RNLS: variants seen among roughly 807,000 people sequenced by gnomAD.
RNLS encodes the protein renalase.
In RNLS, 39 loss-of-function variants were observed where a neutral mutation model predicts 39.8. The observed-to-expected ratio is 0.98, with a 90% confidence interval of 0.76 to 1.28. RNLS has a LOEUF of 1.28. Among genes scored for constraint, RNLS ranks in the 50% most tolerant of loss-of-function variants. The pLI is 0.00. For missense variants in RNLS, 410 were observed against 413.3 expected (o/e 0.99, Z 0.07); for synonymous variants, 147 against 150.7 (o/e 0.98, Z 0.18).
intron 4 of RNLS, among the ~76,000 whole-genome samples, chr10:88,502,726 G>A (rs1434909103): frequency 1.3e-5 from 2 of 152,098 alleles, no homozygotes; most frequent in African/African-American, 4.8e-5. Flanking sequence ...TAAAGTTTTG[G>A]AATCCTATCA....
intron 6 of RNLS, among the ~76,000 whole-genome samples, chr10:88,297,161 G>A (rs1247051807): frequency 6.6e-6 from 1 of 152,120 alleles, no homozygotes; most frequent in East Asian, 1.9e-4. Flanking sequence ...AAATCTCTAA[G>A]AGTGGGGTTG....
At chr10:88,319,996 C>G (rs1040252161) in intron 5 of RNLS, among the ~76,000 whole-genome samples, 1 of 151,680 alleles carries the variant, frequency 6.6e-6, no homozygotes, top group African/African-American at 2.4e-5. Flanking sequence ...ATCAGACTAT[C>G]CAAGGTCAAC....
At chr10:88,547,434 C>A (rs543350890) in intron 4 of RNLS, among the ~76,000 whole-genome samples, 22 of 152,320 alleles carry the variant, frequency 1.4e-4, no homozygotes, top group African/African-American at 4.1e-4. Context: ...ATATACATAT[C>A]TTTGCAACAT....
chr10:88,448,364 GA>G (rs1451183844), intron 4 of RNLS, among the ~76,000 whole-genome samples: 12 of 152,288 alleles, frequency 7.9e-5, no homozygotes, highest in African/African-American at 2.6e-4. Flanking sequence ...CTTCTCAAAA[GA>G]AGACATTTAT....
At chr10:88,428,454 T>C (rs923917097) in intron 4 of RNLS, among the ~76,000 whole-genome samples, 2 of 152,006 alleles carry the variant, frequency 1.3e-5, no homozygotes, top group Non-Finnish European at 2.9e-5. Flanking sequence ...ATGGCTTAAC[T>C]GTGTCTAAGA....
downstream of RNLS, among the ~76,000 whole-genome samples, chr10:88,283,343 G>T (rs182935398): frequency 6.6e-6 from 1 of 152,206 alleles, no homozygotes; most frequent in East Asian, 1.9e-4. Flanking sequence ...AGAAAGAATA[G>T]ATATTAAAAG....
the RNLS span, among the ~76,000 whole-genome samples, chr10:88,265,579 T>C: frequency 6.6e-6 from 1 of 152,144 alleles, no homozygotes; most frequent in East Asian, 1.9e-4. Context: ...CTTGGTTAGG[T>C]ATATTCCTAG....
At chr10:88,475,452 C>CT (rs1428761849) in intron 4 of RNLS, among the ~76,000 whole-genome samples, 1 of 152,182 alleles carries the variant, frequency 6.6e-6, no homozygotes. Context: ...TTAAGGAACA[C>CT]TTTTTCATTT....
At chr10:88,230,493 G>T in the RNLS span, among the ~76,000 whole-genome samples, 1 of 151,366 alleles carries the variant, frequency 6.6e-6, no homozygotes, top group Admixed American at 6.6e-5. Context: ...CCGTCTTTCT[G>T]TCGTGCCTTC....
chr10:88,188,204 G>A, the RNLS span, among the ~76,000 whole-genome samples: 3 of 152,030 alleles, frequency 2.0e-5, no homozygotes, highest in African/African-American at 7.2e-5. Context: ...CTACAAGTGT[G>A]GGCCACCACA....
At chr10:88,364,255 T>A (rs1303694052) in intron 4 of RNLS, among the ~76,000 whole-genome samples, 1 of 152,138 alleles carries the variant, frequency 6.6e-6, no homozygotes, top group Non-Finnish European at 1.5e-5. Flanking sequence ...ACAGTAGGGA[T>A]AAGTGAACCT....
At chr10:88,192,769 A>G in the RNLS span, among the ~76,000 whole-genome samples, 14 of 152,346 alleles carry the variant, frequency 9.2e-5, no homozygotes, top group African/African-American at 3.4e-4. Context: ...GATATCTGTC[A>G]CTTTTGTGCT....
At chr10:88,333,295 C>T (rs1483755264) in intron 5 of RNLS, among the ~76,000 whole-genome samples, 4 of 151,996 alleles carry the variant, frequency 2.6e-5, no homozygotes, top group African/African-American at 9.7e-5. Context: ...ATCTGAATTA[C>T]AAAACTTTTT....
chr10:88,482,132 T>C (rs1338625337), intron 4 of RNLS, among the ~76,000 whole-genome samples: 1 of 152,186 alleles, frequency 6.6e-6, no homozygotes, highest in Non-Finnish European at 1.5e-5. Flanking sequence ...GAGATGTGGA[T>C]GGTTTTGTGT....
At chr10:88,407,438 T>A (rs146001628) in intron 4 of RNLS, among the ~76,000 whole-genome samples, 4 of 151,862 alleles carry the variant, frequency 2.6e-5, no homozygotes, top group Admixed American at 1.3e-4. Flanking sequence ...TGGTTATATA[T>A]GGATTGATGT....
chr10:88,349,085 C>A, intron 5 of RNLS, among the ~76,000 whole-genome samples: 1 of 152,004 alleles, frequency 6.6e-6, no homozygotes, highest in Middle Eastern at 3.2e-3. Context: ...GCCTGGCACA[C>A]AGAAGGAATT....
chr10:88,540,743 C>CA (rs1847992127), intron 4 of RNLS, among the ~76,000 whole-genome samples: 1 of 152,022 alleles, frequency 6.6e-6, no homozygotes, highest in African/African-American at 2.4e-5. Context: ...GGACAACATA[C>CA]ATTTTTAAGA....
chr10:88,451,387 G>T (rs1036612114), intron 4 of RNLS, among the ~76,000 whole-genome samples: 1 of 152,094 alleles, frequency 6.6e-6, no homozygotes, highest in Non-Finnish European at 1.5e-5. Context: ...AGCCCCCACC[G>T]CATGGGGCTT....
At chr10:88,548,691 TAA>T (rs1848461617) in intron 4 of RNLS, among the ~76,000 whole-genome samples, 1 of 147,942 alleles carries the variant, frequency 6.8e-6, no homozygotes, top group East Asian at 1.9e-4. Flanking sequence ...CATTTATATA[TAA>T]TATATATTAT....
Sources: allele counts gnomAD v4.1 joint callset (sites outside exome capture counted in the v4.1 genomes callset), GRCh38; gene constraint gnomAD v4.1.1; transcripts MANE v1.5; gene names NCBI Gene and HGNC (gene_info 2026-07-23, HGNC 2026-07-21).